MIGA2: variants seen among roughly 807,000 people sequenced by gnomAD.
MIGA2 encodes mitoguardin 2, also known as family with sequence similarity 73, member B.
MIGA2 carries 36 observed loss-of-function variants against 69.9 expected under a neutral mutation model. That is an observed-to-expected ratio of 0.52 (90% CI 0.39 to 0.68). The LOEUF (loss-of-function observed/expected upper bound fraction) is 0.68. Among genes scored for constraint, MIGA2 ranks in the 30% least tolerant of loss-of-function variants. The probability of loss-of-function intolerance (pLI) is 0.00; values close to 1 mark genes in which losing one functional copy is unlikely to be tolerated. For synonymous variants in MIGA2, 333 were observed against 349.2 expected, an observed-to-expected ratio of 0.95 and a Z score of 0.52; for missense variants, 660 against 787.7, an observed-to-expected ratio of 0.84 and a Z score of 1.94.
At chr9:129,065,755 G>A (rs568981494) in intron 11 of MIGA2, among the ~76,000 whole-genome samples, 1 of 152,244 alleles carries the variant, frequency 6.6e-6, no homozygotes, top group African/African-American at 2.4e-5. Context: ...TTTTTCCTGT[G>A]TCCTCCTCCC....
rs779756014 is a variant in MIGA2, at chr9:129,060,287, C to T, written c.794-263C>T. On this transcript the variant is annotated intron_variant, in intron 7 of 15. Transcript: ENST00000684074. This position sits in a 1 kb window ranked among gnomAD's most constrained non-coding sequence, Gnocchi z 4.8. ...GTGCAACCTGTGAGCCTGGCAGAGC[C>T]GCTCACCAGCCGAGGGCTCACACCT... 5.3e-5 allele frequency among the ~76,000 whole-genome samples: 8 copies of T among 152,186 alleles called. No homozygotes were observed. The highest frequency in any genetic ancestry group is 2.1e-4 in the South Asian group (1 of 4,832).
chr9:129,042,933 GC>G (rs1392692757), intron 3 of MIGA2, among the ~76,000 whole-genome samples: 1 of 152,142 alleles, frequency 6.6e-6, no homozygotes, highest in Non-Finnish European at 1.5e-5. Context: ...GGTGGCTCAC[GC>G]CTGTAATCCC....
Position 129,068,481 on chromosome 9 carries a change from T to A in MIGA2, c.1404+149T>A, listed in dbSNP as rs776185005. The A allele has an allele frequency of 4.4e-6, 5 of 1,127,958 alleles. No individual in the cohort carries two copies. The highest frequency in any genetic ancestry group is 1.6e-5 in the African/African-American group (1 of 64,174). 69.9% of individuals were successfully genotyped at this position (1,127,958 alleles called of 1,614,324 possible). A position where few individuals can be genotyped will look rare whatever the true frequency, so the allele number is the denominator to read the frequency against. On this transcript the variant is annotated intron_variant, in intron 13 of 15. Transcript: ENST00000684074. This position sits in a 1 kb window ranked among gnomAD's most constrained non-coding sequence, Gnocchi z 4.1. ...CTGCCAGGCCTGGGAGACCAGAGTC[T>A]GCCCTGGAGAAGCCTCCAGGGTGCC... is the stretch of plus-strand genomic sequence containing the variant.
In MIGA2 at chr9:129,069,191, G is replaced by A. The variant is rs1383684293; in HGVS notation, c.1458+62G>A. ...GCTCTGAGGCAGCGTGGTGGGGAGC[G>A]GAGCGGGTGCAGGGTGGCTCGCTGG... On this transcript the variant is annotated intron_variant, in intron 14 of 15. Coordinates refer to ENST00000684074, the MANE Select transcript of MIGA2 (RefSeq NM_001329990.2). This position sits in a 1 kb window ranked among gnomAD's most constrained non-coding sequence, Gnocchi z 4.9. The A allele has an allele frequency of 2.4e-5, 38 of 1,605,880 alleles. No individual in the cohort carries two copies. The highest frequency in any genetic ancestry group is 8.9e-5 in the East Asian group (4 of 44,864).
In MIGA2 at chr9:129,042,620, T is replaced by C. The variant is rs1588368457; in HGVS notation, c.307+106T>C. ...GGGATATTGGGCCAGTGTCTTCCTG[T>C]CTCAGAGCCAAGGTCTCCTGATCTG... On this transcript the variant is annotated intron_variant, in intron 3 of 15. Coordinates refer to ENST00000684074, the MANE Select transcript of MIGA2 (RefSeq NM_001329990.2). 12 of 1,181,324 alleles carry C rather than the reference T, an allele frequency of 1.0e-5. No homozygotes were observed. In the East Asian group the frequency reaches 3.1e-4, roughly 30 times the overall value. The allele number at this position is 1,181,324 out of a possible 1,614,324, so 73.2% of individuals were successfully genotyped here. A position where few individuals can be genotyped will look rare whatever the true frequency, so the allele number is the denominator to read the frequency against.
chr9:129,042,984 G>C (rs1219645625), intron 3 of MIGA2, among the ~76,000 whole-genome samples: 1 of 152,162 alleles, frequency 6.6e-6, no homozygotes, highest in Non-Finnish European at 1.5e-5. Flanking sequence ...CACAAGGTTA[G>C]GAGATCGAGG....
chr9:129,052,257 G>C (rs1845586925), intron 6 of MIGA2, among the ~76,000 whole-genome samples: 2 of 152,058 alleles, frequency 1.3e-5, no homozygotes, highest in Non-Finnish European at 2.9e-5. Context: ...TGAGAAGCCA[G>C]AGTCAGAGGT....
rs765405535 is a variant in MIGA2, at chr9:129,040,709, T to C, written c.96+19T>C. ...TGGGCAGGTAAGGATCAGGGTGGGTTGTACCTCTGGTCTATGAAACACTTC... is the reference window on the plus strand; with the variant it reads ...TGGGCAGGTAAGGATCAGGGTGGGTCGTACCTCTGGTCTATGAAACACTTC... On this transcript the variant is annotated intron_variant, in intron 2 of 15. Transcript: ENST00000684074. The C allele has an allele frequency of 6.2e-7, 1 of 1,607,944 alleles. No homozygotes were observed. The highest frequency in any genetic ancestry group is 8.5e-7 in the Non-Finnish European group (1 of 1,175,558).
chr9:129,040,529 C>A lies in MIGA2; in HGVS notation c.-66C>A. Reference sequence around the variant, plus strand: ...TGGTGCCTGGGACCCAGCTGGCAACCAGTTGAAGACGTTCTCCTTGGAAGC... The same window carrying A: ...TGGTGCCTGGGACCCAGCTGGCAACAAGTTGAAGACGTTCTCCTTGGAAGC... On this transcript the variant is annotated 5_prime_UTR_variant, in exon 2 of 16. Coordinates refer to ENST00000684074, the MANE Select transcript of MIGA2 (RefSeq NM_001329990.2). The A allele has an allele frequency of 6.5e-7, 1 of 1,541,766 alleles. No homozygotes were observed.
rs1169058000 is a variant in MIGA2 at position 129,060,779 on chromosome 9, A to G, written c.894+129A>G. The G allele has an allele frequency of 1.4e-6, 1 of 719,940 alleles. No homozygotes were observed. The highest frequency in any genetic ancestry group is 2.2e-6 in the Non-Finnish European group (1 of 451,060). 44.6% of individuals were successfully genotyped at this position (719,940 alleles called of 1,614,324 possible). On this transcript the variant is annotated intron_variant, in intron 8 of 15. Coordinates refer to ENST00000684074, the MANE Select transcript of MIGA2 (RefSeq NM_001329990.2). The surrounding 1 kb of genome is among the most constrained non-coding windows in gnomAD (Gnocchi z 4.8). ...CTGATGGGAGAATTTGGATGCTCCC[A>G]CGGGCCTCCTCGAAGCTGTTGGGGA...
Position 129,069,063 on chromosome 9 carries a change from A to G in MIGA2, c.1405-13A>G, listed in dbSNP as rs1197213798. The G allele has an allele frequency of 1.9e-6, 3 of 1,613,760 alleles. No individual in the cohort carries two copies. Among genetic ancestry groups the G allele is most frequent in the South Asian group, 2.2e-5 (2 of 91,070 alleles). ...CATTTTGACACCCGGGGGACATCCT[A>G]TTTTTGATGTAGGCCTTGGCCACTG... On this transcript the variant is annotated splice_polypyrimidine_tract_variant and intron_variant, in intron 13 of 15. Coordinates refer to ENST00000684074, the MANE Select transcript of MIGA2 (RefSeq NM_001329990.2). This position sits in a 1 kb window ranked among gnomAD's most constrained non-coding sequence, Gnocchi z 4.9.
rs190241467 is a variant in MIGA2, at chr9:129,064,173, A to G, written c.1170+542A>G. 1.9e-3 allele frequency among the ~76,000 whole-genome samples: 293 copies of G among 151,956 alleles called. 4 individuals are homozygous for G. The highest frequency in any genetic ancestry group is 6.6e-3 in the African/African-American group (273 of 41,474). On this transcript the variant is annotated intron_variant, in intron 11 of 15. Transcript: ENST00000684074. ...AGGGTGTTTCCTTGCATCTCTGATT[A>G]TTGATGAGGTTGCATAATTTTTTTG...
intron 4 of MIGA2, 72 bp downstream of exon 4, chr9:129,048,611 A>G: frequency 8.5e-7 from 1 of 1,178,134 alleles, no homozygotes; most frequent in South Asian, 1.2e-5. Flanking sequence ...TGCCCTCAGC[A>G]AGCTTATAGA....
intron 2 of MIGA2, 32 bp from the exon 3 acceptor site, chr9:129,042,272 G>T: frequency 6.2e-7 from 1 of 1,607,338 alleles, no homozygotes; most frequent in South Asian, 1.1e-5. Flanking sequence ...CCCCAGGGAG[G>T]TGTAACCGGC....
chr9:129,066,854 G>A (rs370053527), intron 11 of MIGA2, among the ~76,000 whole-genome samples: 1 of 150,480 alleles, frequency 6.6e-6, no homozygotes, highest in African/African-American at 2.5e-5. Flanking sequence ...CCAGCTACTC[G>A]GGAGGCTGAG....
chr9:129,040,454 C>T lies in MIGA2; in HGVS notation c.-141C>T, dbSNP rs1844835770. The stretch of plus-strand genomic sequence containing the variant: ...TGACTTGGTCATCTGTCTCTTAGCT[C>T]TGTGGAGGGGCCCTCTGGTATGTGT... On this transcript the variant is annotated splice_region_variant and 5_prime_UTR_variant, in exon 2 of 16. Transcript: ENST00000684074. The T allele has an allele frequency of 1.4e-6, 2 of 1,408,056 alleles. No individual in the cohort carries two copies. The highest frequency in any genetic ancestry group is 6.0e-5 in the Admixed American group (2 of 33,392). The allele number at this position is 1,408,056 out of a possible 1,614,324, so 87.2% of individuals were successfully genotyped here.
In MIGA2 at chr9:129,068,010, C is replaced by T. The variant is rs1400281358; in HGVS notation, c.1269+139C>T. On this transcript the variant is annotated intron_variant, in intron 12 of 15. Transcript: ENST00000684074. The surrounding 1 kb of genome is among the most constrained non-coding windows in gnomAD (Gnocchi z 4.1). ...CTGCTCATAGTCCCCGGTTCCTGCC[C>T]TGCCCCAGGCCAAGGCAGAGGGAGG... 2 of 1,262,360 alleles carry T rather than the reference C, an allele frequency of 1.6e-6. No individual in the cohort carries two copies. Among genetic ancestry groups the T allele is most frequent in the Non-Finnish European group, 2.2e-6 (2 of 890,472 alleles). 78.2% of individuals were successfully genotyped at this position (1,262,360 alleles called of 1,614,324 possible).
Position 129,068,142 on chromosome 9 carries a change from C to T in MIGA2, c.1270-56C>T, listed in dbSNP as rs749638039. 6.2e-7 allele frequency: 1 copy of T among 1,611,890 alleles called. No individual in the cohort carries two copies. Among genetic ancestry groups the T allele is most frequent in the African/African-American group, 1.3e-5 (1 of 74,908 alleles). ...TTCAGTCTCCCCATCTGGAAAGTGG[C>T]CCCGAGGCTCCGGCAGTGCCCCCAT... On this transcript the variant is annotated intron_variant, in intron 12 of 15. Coordinates refer to ENST00000684074, the MANE Select transcript of MIGA2 (RefSeq NM_001329990.2). This position sits in a 1 kb window ranked among gnomAD's most constrained non-coding sequence, Gnocchi z 4.1.
intron 2 of MIGA2, chr9:129,042,094 A>G: frequency 1.7e-6 from 1 of 594,314 alleles, no homozygotes; most frequent in South Asian, 2.0e-5. Context: ...CGGCACTGGC[A>G]TCTTGCCATC....
Sources: gnomAD v4.1 joint callset for allele counts (sites outside exome capture counted in the v4.1 genomes callset) on GRCh38, gnomAD v4.1.1 for gene constraint, Gnocchi (gnomAD v3.1) non-coding constraint, MANE v1.5 for transcripts, NCBI Gene and HGNC (gene_info 2026-07-23, HGNC 2026-07-21) for gene names.